Variants in VEPH1 observed in about 807,000 individuals in gnomAD.
The protein encoded by VEPH1 is ventricular zone expressed PH domain containing 1.
In VEPH1, 80 loss-of-function variants were observed where a neutral mutation model predicts 85.2. The observed-to-expected ratio is 0.94, with a 90% CI of 0.78 to 1.13. VEPH1 has a LOEUF of 1.13. Among genes scored for constraint, VEPH1 ranks in the 50% most tolerant of loss-of-function variants. The probability of loss-of-function intolerance (pLI) is 0.00; values close to 1 mark genes in which losing one functional copy is unlikely to be tolerated. For synonymous variants in VEPH1, 297 were observed against 348.0 expected (o/e 0.85, Z 1.63); for missense variants, 955 against 980.5 (o/e 0.97, Z 0.35).
chr3:157,340,145 C>A (rs962367402), intron 9 of VEPH1, among the ~76,000 whole-genome samples: 1 of 152,152 alleles, frequency 6.6e-6, no homozygotes, highest in Non-Finnish European at 1.5e-5. Flanking sequence ...GTACCAGGTT[C>A]ATCTCACTGG....
At chr3:157,326,940 T>C (rs1721968150) in intron 9 of VEPH1, among the ~76,000 whole-genome samples, 1 of 152,048 alleles carries the variant, frequency 6.6e-6, no homozygotes, top group Non-Finnish European at 1.5e-5. Flanking sequence ...TGGAGTAGAG[T>C]GGAGCCAGTA....
intron 5 of VEPH1, among the ~76,000 whole-genome samples, chr3:157,414,848 A>C (rs1230209049): frequency 1.3e-5 from 2 of 152,132 alleles, no homozygotes; most frequent in Non-Finnish European, 2.9e-5. Context: ...AGTGAAACAG[A>C]TTTGCCCATC....
chr3:157,297,244 A>G (rs1718247879), intron 11 of VEPH1, among the ~76,000 whole-genome samples: 1 of 152,228 alleles, frequency 6.6e-6, no homozygotes, highest in African/African-American at 2.4e-5. Context: ...TTTAAGAAAC[A>G]CTAATGCTAG....
intron 11 of VEPH1, among the ~76,000 whole-genome samples, chr3:157,288,243 T>C (rs891379771): frequency 6.6e-6 from 1 of 152,240 alleles, no homozygotes; most frequent in Non-Finnish European, 1.5e-5. Flanking sequence ...ACTAACATGT[T>C]TGTGCTCTGT....
At position 157,381,195 on chromosome 3, in the gene VEPH1, A is replaced by G. The variant is rs746865948; in HGVS notation, c.1088T>C (p.Leu363Pro). 7.2e-5 allele frequency: 117 copies of G among 1,613,894 alleles called. No homozygotes were observed. Among genetic ancestry groups the G allele is most frequent in the Non-Finnish European group, 4.2e-6 (5 of 1,180,006 alleles). ...SNSFTAIAKL[L>P]TRQLENTKAG... ...CTTGGTATTTTCCAGTTGTCGGGTA[A>G]GGAGTTTAGCAATGGCGGTGAAGCT... The change falls in exon 7 of 14, where the codon CTT becomes CCT. Residue 363 changes from leucine (L) to proline (P), a missense_variant. Physicochemically the swap from Leu to Pro is moderately conservative, Grantham distance 98. Coordinates refer to ENST00000362010, the MANE Select transcript of VEPH1 (RefSeq NM_001167912.2).
chr3:157,434,356 G>T (rs548403770), intron 4 of VEPH1, among the ~76,000 whole-genome samples: 81 of 152,080 alleles, frequency 5.3e-4, no homozygotes, highest in African/African-American at 1.4e-3. Flanking sequence ...CTGTCGCCCA[G>T]GCTGGAACGC....
At chr3:157,407,425 T>G (rs1262287878) in intron 6 of VEPH1, among the ~76,000 whole-genome samples, 1 of 152,188 alleles carries the variant, frequency 6.6e-6, no homozygotes, top group African/African-American at 2.4e-5. Flanking sequence ...TTGTTATCCT[T>G]ATTTCTCCCA....
chr3:157,378,307 T>C (rs1477408236), intron 7 of VEPH1, among the ~76,000 whole-genome samples: 8 of 238 alleles, frequency 0.034, no homozygotes, highest in Non-Finnish European at 0.054. Context: ...TTTTGAATGG[T>C]ATATATATAT....
At chr3:157,288,173 A>G (rs190912084) in intron 11 of VEPH1, among the ~76,000 whole-genome samples, 1 of 152,328 alleles carries the variant, frequency 6.6e-6, no homozygotes, top group East Asian at 1.9e-4. Flanking sequence ...TGCATTCTTA[A>G]AAGGCTCCTC....
In VEPH1 at chr3:157,309,840, C is replaced by T. The variant is rs915615673; in HGVS notation, c.2010+3781G>A. 7.9e-5 allele frequency among the ~76,000 whole-genome samples: 12 copies of T among 151,974 alleles called. No homozygotes were observed. The East Asian group carries it at 1.2e-3, about 15-fold the overall frequency. On this transcript the variant is annotated intron_variant, in intron 11 of 13. Transcript: ENST00000362010. The stretch of plus-strand genomic sequence containing the variant: ...TGTTTCCCAGGCTGGAGTGCAGTGG[C>T]GGGATCTTGGCTCACTGCAATCTCC...
At chr3:157,467,126 T>TGTGTGTGTGC (rs992138659) in intron 3 of VEPH1, among the ~76,000 whole-genome samples, 2 of 19,114 alleles carry the variant, frequency 1.0e-4, no homozygotes, top group African/African-American at 8.3e-4. Flanking sequence ...TGTGTGTGTA[T>TGTGTGTGTGC]GTGTGTGTGT....
chr3:157,413,754 A>C lies in VEPH1; in HGVS notation c.906+127T>G, dbSNP rs548499510. On this transcript the variant is annotated intron_variant, in intron 6 of 13. Coordinates refer to ENST00000362010, the MANE Select transcript of VEPH1 (RefSeq NM_001167912.2). The stretch of plus-strand genomic sequence containing the variant: ...AAATCCCAGGACAAATTTGTATGTC[A>C]AAGAGAAATTGGAACTCCCAGAAAT... 5.5e-5 allele frequency: 77 copies of C among 1,396,002 alleles called. 1 individual carries two copies. The East Asian group carries it at 1.5e-3, about 27-fold the overall frequency. 86.5% of individuals were successfully genotyped at this position (1,396,002 alleles called of 1,614,324 possible).
intron 9 of VEPH1, among the ~76,000 whole-genome samples, chr3:157,343,243 G>T (rs1227427154): frequency 6.6e-6 from 1 of 152,098 alleles, no homozygotes; most frequent in Non-Finnish European, 1.5e-5. Context: ...CCAGGAGCTG[G>T]TTTTTTGAAA....
intron 9 of VEPH1, among the ~76,000 whole-genome samples, chr3:157,349,524 C>T (rs575137060): frequency 6.0e-5 from 9 of 150,606 alleles, no homozygotes; most frequent in Non-Finnish European, 1.3e-4. Flanking sequence ...TACTGGAAGT[C>T]TTAGAGCAAA....
chr3:157,353,663 A>T (rs1229516246), intron 9 of VEPH1, among the ~76,000 whole-genome samples: 2 of 152,080 alleles, frequency 1.3e-5, no homozygotes, highest in African/African-American at 4.8e-5. Context: ...ACATACACAT[A>T]TATGTAAATC....
At position 157,405,734 on chromosome 3, in the gene VEPH1, C is replaced by G. The variant is rs9878773; in HGVS notation, c.906+8147G>C. Among the ~76,000 whole-genome samples, 862 of 152,314 alleles carry G rather than the reference C, an allele frequency of 5.7e-3. 10 individuals carry two copies. Among genetic ancestry groups the G allele is most frequent in the African/African-American group, 0.02 (826 of 41,570 alleles). ...CTTATAATGCTCTCCTAAAACTCCC[C>G]CACATGGGGTTAGTTTCTTCCTTCC... On this transcript the variant is annotated intron_variant, in intron 6 of 13. Transcript: ENST00000362010.
intron 12 of VEPH1, among the ~76,000 whole-genome samples, chr3:157,268,488 T>C (rs1025546493): frequency 3.3e-5 from 5 of 152,244 alleles, no homozygotes; most frequent in Non-Finnish European, 5.9e-5. Context: ...CCATTTTTCA[T>C]ATTTTCAGGT....
intron 4 of VEPH1, among the ~76,000 whole-genome samples, chr3:157,451,553 T>C (rs892939508): frequency 2.0e-5 from 3 of 152,220 alleles, no homozygotes; most frequent in African/African-American, 7.2e-5. Context: ...TTGAAATATT[T>C]GCCTTCAGGG....
At chr3:157,312,054 A>T (rs929028868) in intron 11 of VEPH1, among the ~76,000 whole-genome samples, 2 of 152,216 alleles carry the variant, frequency 1.3e-5, no homozygotes, top group African/African-American at 4.8e-5. Context: ...ATTCTTCATC[A>T]TTTAAAAATA....
Sources: allele counts gnomAD v4.1 joint callset (sites outside exome capture counted in the v4.1 genomes callset), GRCh38; gene constraint gnomAD v4.1.1; transcripts MANE v1.5; gene names NCBI Gene and HGNC (gene_info 2026-07-23, HGNC 2026-07-21).